Variants in FBXO15 observed in about 807,000 individuals in gnomAD.
FBXO15 encodes the protein F-box only protein 15.
In FBXO15, 30 loss-of-function variants were observed where a neutral mutation model predicts 49.5. That is an observed-to-expected ratio of 0.61 (90% CI 0.45 to 0.82). FBXO15 has a LOEUF of 0.82. Among genes scored for constraint, FBXO15 ranks in the 40% least tolerant of loss-of-function variants. The pLI is 0.00. For missense variants in FBXO15, 591 were observed against 631.5 expected, an observed-to-expected ratio of 0.94 and a Z score of 0.69; for synonymous variants, 250 against 232.7, an observed-to-expected ratio of 1.07 and a Z score of -0.68.
intron 2 of FBXO15, among the ~76,000 whole-genome samples, chr18:74,138,293 G>A (rs942869377): frequency 6.6e-6 from 1 of 152,126 alleles, no homozygotes; most frequent in Non-Finnish European, 1.5e-5. Context: ...TAGAACACAC[G>A]CAAGTAGGAA....
intron 8 of FBXO15, among the ~76,000 whole-genome samples, chr18:74,083,130 T>C (rs1037005430): frequency 6.6e-6 from 1 of 152,186 alleles, no homozygotes; most frequent in Non-Finnish European, 1.5e-5. Flanking sequence ...AAACGGGAGC[T>C]CCTTGCCCAG....
At chr18:74,117,805 T>C (rs181949883) in intron 8 of FBXO15, among the ~76,000 whole-genome samples, 83 of 152,248 alleles carry the variant, frequency 5.5e-4, no homozygotes, top group African/African-American at 1.8e-3. Flanking sequence ...ATATTTTAAG[T>C]ATGAGGAATG....
Position 74,073,593 on chromosome 18 carries a change from G to C in FBXO15, c.1401C>G (p.Asp467Glu). 6.2e-7 allele frequency: 1 copy of C among 1,614,192 alleles called. No individual in the cohort carries two copies. Among genetic ancestry groups the C allele is most frequent in the African/African-American group, 1.3e-5 (1 of 75,040 alleles). The change falls in exon 10 of 10, where the codon GAC becomes GAG. Residue 467 changes from aspartate to glutamate, a missense_variant. Coordinates refer to ENST00000419743, the MANE Select transcript of FBXO15 (RefSeq NM_001142958.2). Reference protein sequence around the residue: ...SSFLGQTYNVDYVDAEGRVHV... With the variant: ...SSFLGQTYNVEYVDAEGRVHV... Reference sequence around the variant, plus strand: ...GCACTCTTCCTTCCGCATCAACGTAGTCCACGTTGTATGTCTGTCCCAAGA... The same window carrying C: ...GCACTCTTCCTTCCGCATCAACGTACTCCACGTTGTATGTCTGTCCCAAGA...
intron 8 of FBXO15, among the ~76,000 whole-genome samples, chr18:74,118,591 T>C (rs538831973): frequency 1.6e-4 from 25 of 152,220 alleles, no homozygotes; most frequent in Non-Finnish European, 2.9e-4. Context: ...CTCTGTACAA[T>C]GTAAAATTAT....
At chr18:74,094,342 C>G (rs1245009698) in intron 8 of FBXO15, among the ~76,000 whole-genome samples, 1 of 152,124 alleles carries the variant, frequency 6.6e-6, no homozygotes, top group East Asian at 1.9e-4. Context: ...AAGTATGTGG[C>G]CTCTCCCCTC....
chr18:74,135,631 A>C, intron 3 of FBXO15, 131 bp downstream of exon 3: 1 of 679,618 alleles, frequency 1.5e-6, no homozygotes, highest in Non-Finnish European at 2.5e-6. Context: ...AAAGCATTTG[A>C]CATTTCCACT....
At chr18:74,129,111 G>T (rs55934731) in intron 5 of FBXO15, among the ~76,000 whole-genome samples, 44 of 151,924 alleles carry the variant, frequency 2.9e-4, no homozygotes, top group African/African-American at 1.0e-3. Context: ...CTGTTAAGAT[G>T]GTTAAAATGA....
At chr18:74,123,284 G>A (rs1914547902) in intron 8 of FBXO15, 84 bp downstream of exon 8, 2 of 1,432,764 alleles carry the variant, frequency 1.4e-6, no homozygotes, top group Non-Finnish European at 1.9e-6. Flanking sequence ...ACCAGTGAGG[G>A]CAATTCTTAA....
intron 8 of FBXO15, among the ~76,000 whole-genome samples, chr18:74,115,129 A>G (rs1241000374): frequency 6.6e-6 from 1 of 152,222 alleles, no homozygotes; most frequent in African/African-American, 2.4e-5. Context: ...AGAAAAGTAG[A>G]GCAAAACTTA....
rs139452148 is a variant in FBXO15 at position 74,120,048 on chromosome 18, G to A, written c.1138+3320C>T. 2.3e-3 allele frequency among the ~76,000 whole-genome samples: 344 copies of A among 152,320 alleles called. 1 individual carries two copies. Among genetic ancestry groups the A allele is most frequent in the African/African-American group, 7.8e-3 (325 of 41,570 alleles). ...ATGGAGAGCAGAGACTCAGTTCTCC[G>A]CTAATACTGGCATAGAAGGCACAGC... is the stretch of plus-strand genomic sequence containing the variant. On this transcript the variant is annotated intron_variant, in intron 8 of 9. Transcript: ENST00000419743.
intron 8 of FBXO15, among the ~76,000 whole-genome samples, chr18:74,108,428 T>C (rs1467891701): frequency 1.3e-5 from 2 of 151,860 alleles, no homozygotes; most frequent in Non-Finnish European, 2.9e-5. Flanking sequence ...TTGTTGGGCT[T>C]ATTAGTAGGC....
intron 8 of FBXO15, among the ~76,000 whole-genome samples, chr18:74,104,856 C>T (rs1267127567): frequency 6.6e-6 from 1 of 152,118 alleles, no homozygotes; most frequent in East Asian, 1.9e-4. Context: ...AACATGTCTG[C>T]ACCATCCCAT....
At chr18:74,134,645 G>A (rs1323308146) in intron 3 of FBXO15, among the ~76,000 whole-genome samples, 1 of 152,196 alleles carries the variant, frequency 6.6e-6, no homozygotes, top group African/African-American at 2.4e-5. Flanking sequence ...TGGGATTACA[G>A]GTGTGAGCCA....
chr18:74,113,494 A>T (rs1397993579), intron 8 of FBXO15, among the ~76,000 whole-genome samples: 1 of 152,158 alleles, frequency 6.6e-6, no homozygotes, highest in South Asian at 2.1e-4. Context: ...CTAGTGCAGG[A>T]TATTAATAAT....
intron 1 of FBXO15, 120 bp downstream of exon 1, chr18:74,147,550 G>A: frequency 7.8e-7 from 1 of 1,285,782 alleles, no homozygotes; most frequent in African/African-American, 1.5e-5. Context: ...CCCTTCTCAC[G>A]TTGAAGACGG....
intron 3 of FBXO15, among the ~76,000 whole-genome samples, chr18:74,134,151 T>G (rs1028764163): frequency 5.9e-5 from 9 of 152,174 alleles, no homozygotes; most frequent in Non-Finnish European, 8.8e-5. Flanking sequence ...TATTCTTCCA[T>G]ATAGGAAACA....
At position 74,135,743 on chromosome 18, in the gene FBXO15, G is replaced by C; in HGVS notation, c.332+19C>G. On this transcript the variant is annotated intron_variant, in intron 3 of 9. Coordinates refer to ENST00000419743, the MANE Select transcript of FBXO15 (RefSeq NM_001142958.2). ...CAAACTGTCATCAAAACATAACAGA[G>C]ACTTGGATTTCTGCTTACTTGTCAT... 1 of 1,572,186 alleles carries C rather than the reference G, an allele frequency of 6.4e-7. No individual in the cohort carries two copies. Among genetic ancestry groups the C allele is most frequent in the Admixed American group, 1.9e-5 (1 of 51,814 alleles).
At position 74,129,470 on chromosome 18, in the gene FBXO15, T is replaced by C. The variant is rs1382112738; in HGVS notation, c.720A>G (p.Ser240=). The change falls in exon 5 of 10, where the codon TCA becomes TCG. Residue 240 remains serine, a synonymous_variant. Transcript: ENST00000419743. The part of the protein sequence containing the change: ...GKKWPCLASL[S]TLDLCGMTPV... Reference sequence around the variant, plus strand: ...GTGTCATGCCACATAAATCTAAGGTTGACAATGATGCTAGGCATGGCCATT... The same window carrying C: ...GTGTCATGCCACATAAATCTAAGGTCGACAATGATGCTAGGCATGGCCATT... 1.2e-6 allele frequency: 2 copies of C among 1,614,020 alleles called. No individual in the cohort carries two copies. The highest frequency in any genetic ancestry group is 1.7e-6 in the Non-Finnish European group (2 of 1,179,966).
intron 8 of FBXO15, among the ~76,000 whole-genome samples, chr18:74,087,718 G>A (rs1912810207): frequency 6.6e-6 from 1 of 152,112 alleles, no homozygotes; most frequent in Non-Finnish European, 1.5e-5. Flanking sequence ...ATAGTCCTTT[G>A]GGAACATACC....
Sources: gnomAD v4.1 joint callset for allele counts (sites outside exome capture counted in the v4.1 genomes callset) on GRCh38, gnomAD v4.1.1 for gene constraint, MANE v1.5 for transcripts, NCBI Gene and HGNC (gene_info 2026-07-23, HGNC 2026-07-21) for gene names.